The following OTUD7B variants were observed in gnomAD, a reference collection of about 807,000 sequenced individuals.
The protein encoded by OTUD7B is OTU domain-containing protein 7B.
OTUD7B carries 34 observed loss-of-function variants against 82.2 expected under a neutral mutation model. The ratio of observed to expected loss-of-function variants is 0.41; its 90% confidence interval spans 0.31 to 0.55. The LOEUF (loss-of-function observed/expected upper bound fraction) is 0.55, where lower values mean the gene tolerates loss of function less well. OTUD7B is among the 20% of genes least tolerant of loss of function. OTUD7B has a pLI of 0.20. For synonymous variants in OTUD7B, 398 were observed against 402.7 expected (o/e 0.99, Z 0.14); for missense variants, 944 against 1,062.1 (o/e 0.89, Z 1.55).
chr1:149,994,105 A>C (rs1365984244), intron 1 of OTUD7B, among the ~76,000 whole-genome samples: 2 of 152,144 alleles, frequency 1.3e-5, no homozygotes, highest in Non-Finnish European at 2.9e-5. Flanking sequence ...CAAGAAACCA[A>C]CCCTTCTAAG....
In OTUD7B at chr1:149,971,265, A is replaced by G. The variant is rs782716267; in HGVS notation, c.86-14T>C. 3.1e-6 allele frequency: 5 copies of G among 1,590,330 alleles called. No homozygotes were observed. The highest frequency in any genetic ancestry group is 3.4e-6 in the Non-Finnish European group (4 of 1,160,834). ...CCCAATTCTTTCCTGTCAGGAGACA[A>G]AGCAAAAAGCAAACTGTGCAACCAT... On this transcript the variant is annotated splice_polypyrimidine_tract_variant and intron_variant, in intron 2 of 11. Transcript: ENST00000581312.
intron 7 of OTUD7B, among the ~76,000 whole-genome samples, chr1:149,953,680 G>A (rs1559831061): frequency 6.6e-6 from 1 of 152,200 alleles, no homozygotes; most frequent in Non-Finnish European, 1.5e-5. Context: ...CTATCCAAGA[G>A]CATGAAATGT....
upstream of OTUD7B, among the ~76,000 whole-genome samples, chr1:150,014,209 G>A (rs1653203075): frequency 8.4e-6 from 1 of 119,422 alleles, no homozygotes; most frequent in South Asian, 2.9e-4. Context: ...GACCAGCCTG[G>A]GCAATATAAG....
In OTUD7B at chr1:149,944,237, C is replaced by A. The variant is rs1424525972; in HGVS notation, c.2152G>T (p.Gly718Cys). Residue 718 changes from glycine to cysteine, a missense_variant, in exon 12 of 12, where the codon GGT becomes TGT. Physicochemically the swap from Gly to Cys is radical, Grantham distance 159. This residue lies in a region of OTUD7B where 412 missense variants were observed against 418.7 expected (regional missense o/e 0.98). Coordinates refer to ENST00000581312, the MANE Select transcript of OTUD7B (RefSeq NM_020205.4). Reference sequence around the variant, plus strand: ...GGTGGTAGGCCCCCGACACATGGACCCCCTGCCAACTGCCTCCGGGGTTCC... The same window carrying A: ...GGTGGTAGGCCCCCGACACATGGACACCCTGCCAACTGCCTCCGGGGTTCC... Reference protein sequence around the residue: ...CQEPRRQLAGGPCVGGLPPYA... With the variant: ...CQEPRRQLAGCPCVGGLPPYA... 1.9e-6 allele frequency: 3 copies of A among 1,612,536 alleles called. No individual in the cohort carries two copies. Among genetic ancestry groups the A allele is most frequent in the Non-Finnish European group, 2.5e-6 (3 of 1,179,058 alleles).
chr1:150,016,754 C>G, the OTUD7B span, among the ~76,000 whole-genome samples: 1 of 152,118 alleles, frequency 6.6e-6, no homozygotes, highest in Admixed American at 6.5e-5. Context: ...GCCCAGCCAG[C>G]AGTTACTAAT....
intron 11 of OTUD7B, 81 bp downstream of exon 11, chr1:149,947,157 AATAGATTCAGAAG>A (rs1170408467): frequency 1.4e-6 from 1 of 715,618 alleles, no homozygotes; most frequent in African/African-American, 1.7e-5. Context: ...CACCACTCAG[AATAGATTCAGAAG>A]GAAACCATCC....
chr1:150,047,012 A>C, the OTUD7B span, among the ~76,000 whole-genome samples: 1 of 152,100 alleles, frequency 6.6e-6, no homozygotes, highest in Admixed American at 6.5e-5. Context: ...CGGAGATTGC[A>C]GTGAGCCAAG....
chr1:149,960,379 C>T (rs1304410460), intron 6 of OTUD7B, among the ~76,000 whole-genome samples: 1 of 124,456 alleles, frequency 8.0e-6, no homozygotes, highest in Non-Finnish European at 1.6e-5. Context: ...TTTTCTTTTT[C>T]TTTTCTTTCC....
At chr1:150,008,172 T>C (rs1553786597) in intron 1 of OTUD7B, among the ~76,000 whole-genome samples, 3 of 152,224 alleles carry the variant, frequency 2.0e-5, no homozygotes, top group Non-Finnish European at 4.4e-5. Context: ...TTCCTAGGCT[T>C]CTTCAACCCC....
At chr1:150,003,186 C>T (rs1391060581) in intron 1 of OTUD7B, among the ~76,000 whole-genome samples, 1 of 147,914 alleles carries the variant, frequency 6.8e-6, no homozygotes, top group Non-Finnish European at 1.5e-5. Flanking sequence ...GGAGGCGGAG[C>T]TTGCAGTGAG....
At chr1:149,963,326 G>C (rs1649282442) in intron 6 of OTUD7B, 1 of 152,076 alleles carries the variant, frequency 6.6e-6, no homozygotes, top group African/African-American at 2.4e-5. Context: ...AGAATCACAG[G>C]AAAAGGAAAT....
intron 7 of OTUD7B, among the ~76,000 whole-genome samples, chr1:149,956,310 A>G (rs1487196955): frequency 6.6e-6 from 1 of 152,116 alleles, no homozygotes; most frequent in African/African-American, 2.4e-5. Flanking sequence ...GTTTGGCTGG[A>G]TACGAAATTC....
chr1:150,008,233 C>A (rs1652795057), intron 1 of OTUD7B, among the ~76,000 whole-genome samples: 1 of 152,160 alleles, frequency 6.6e-6, no homozygotes, highest in Non-Finnish European at 1.5e-5. Flanking sequence ...TAGGGAGTTG[C>A]TAGATGCAGA....
At chr1:149,955,139 G>A (rs1221661914) in intron 7 of OTUD7B, among the ~76,000 whole-genome samples, 1 of 152,176 alleles carries the variant, frequency 6.6e-6, no homozygotes, top group African/African-American at 2.4e-5. Context: ...ATGTTAGGGT[G>A]TCAATTTTGG....
chr1:150,024,571 C>T, the OTUD7B span, among the ~76,000 whole-genome samples: 1 of 152,140 alleles, frequency 6.6e-6, no homozygotes, highest in South Asian at 2.1e-4. Flanking sequence ...AGATATACAA[C>T]AAGAATTATA....
At chr1:150,013,813 T>G (rs1164085914), upstream of OTUD7B, among the ~76,000 whole-genome samples, 2 of 149,564 alleles carry the variant, frequency 1.3e-5, no homozygotes, top group African/African-American at 4.9e-5. Flanking sequence ...TCCCAGCTAC[T>G]TGGGAGGCTG....
At chr1:149,991,929 T>A (rs2101901365) in intron 1 of OTUD7B, among the ~76,000 whole-genome samples, 1 of 152,286 alleles carries the variant, frequency 6.6e-6, no homozygotes, top group South Asian at 2.1e-4. Flanking sequence ...AAGGAAATCA[T>A]CTATAAAGTA....
intron 10 of OTUD7B, among the ~76,000 whole-genome samples, chr1:149,947,648 CATT>C (rs1452754164): frequency 7.9e-5 from 12 of 152,188 alleles, no homozygotes; most frequent in East Asian, 5.8e-4. Context: ...TAGCCATTAT[CATT>C]GTTGTTGTTG....
intron 1 of OTUD7B, among the ~76,000 whole-genome samples, chr1:149,984,991 G>A (rs782729131): frequency 1.3e-4 from 19 of 151,938 alleles, no homozygotes; most frequent in African/African-American, 4.6e-4. Flanking sequence ...ACCTCTCTCC[G>A]TCAATTGATT....
Sources: gnomAD v4.1 joint callset for allele counts (sites outside exome capture counted in the v4.1 genomes callset) on GRCh38, gnomAD v4.1.1 for gene constraint, gnomAD v4.1.1 regional missense constraint, MANE v1.5 for transcripts, NCBI Gene and HGNC (gene_info 2026-07-23, HGNC 2026-07-21) for gene names.